Variants in MCTP1 observed in about 807,000 individuals in gnomAD.
The protein encoded by MCTP1 is multiple C2 and transmembrane domain-containing protein 1.
A neutral mutation model predicts 120.6 loss-of-function variants in MCTP1; 69 were observed. The observed-to-expected ratio is 0.57, with a 90% CI of 0.47 to 0.70. MCTP1 has a LOEUF of 0.70. Among genes scored for constraint, MCTP1 ranks in the 30% least tolerant of loss-of-function variants. The pLI is 0.00. For synonymous variants in MCTP1, 529 were observed against 493.1 expected (o/e 1.07, Z -0.96); for missense variants, 1,203 against 1,248.8 (o/e 0.96, Z 0.55).
At chr5:94,790,112 G>A (rs796977022) in intron 18 of MCTP1, among the ~76,000 whole-genome samples, 4 of 152,260 alleles carry the variant, frequency 2.6e-5, no homozygotes, top group African/African-American at 4.8e-5. Context: ...TAATTTGGTC[G>A]TGAGGTCTGT....
chr5:94,865,813 G>A (rs1382596534), intron 17 of MCTP1, among the ~76,000 whole-genome samples: 3 of 151,830 alleles, frequency 2.0e-5, no homozygotes, highest in Admixed American at 2.0e-4. Flanking sequence ...TAACCTTTCT[G>A]TGCCTCAGTT....
chr5:94,939,148 G>A (rs2153499971), intron 5 of MCTP1, among the ~76,000 whole-genome samples: 1 of 152,112 alleles, frequency 6.6e-6, no homozygotes, highest in Admixed American at 6.6e-5. Context: ...ATTTTTCAAT[G>A]AGTTTAAAGT....
chr5:95,049,949 C>A (rs144823459), intron 1 of MCTP1, among the ~76,000 whole-genome samples: 191 of 152,188 alleles, frequency 1.3e-3, no homozygotes, highest in African/African-American at 4.5e-3. Context: ...TAACATTTGA[C>A]TAACACCTTC....
chr5:94,749,138 T>C (rs908111888), intron 19 of MCTP1, among the ~76,000 whole-genome samples: 14 of 152,176 alleles, frequency 9.2e-5, no homozygotes, highest in African/African-American at 3.4e-4. Flanking sequence ...CCTTGAAAGT[T>C]CAGAATCCTC....
intron 1 of MCTP1, among the ~76,000 whole-genome samples, chr5:95,246,889 G>C (rs1756852047): frequency 6.6e-6 from 1 of 152,122 alleles, no homozygotes; most frequent in Admixed American, 6.5e-5. Flanking sequence ...TTGGTATCAG[G>C]GTGATGACAG....
At chr5:95,177,051 C>T (rs1290216067) in intron 1 of MCTP1, among the ~76,000 whole-genome samples, 1 of 151,000 alleles carries the variant, frequency 6.6e-6, no homozygotes, top group Admixed American at 6.6e-5. Flanking sequence ...GAGAGAGAGA[C>T]ATGAAATACA....
intron 17 of MCTP1, among the ~76,000 whole-genome samples, chr5:94,817,269 G>T (rs755176520): frequency 2.0e-5 from 3 of 152,136 alleles, no homozygotes; most frequent in Non-Finnish European, 4.4e-5. Context: ...TGGGTGTGGT[G>T]GCATGCCGCA....
intron 1 of MCTP1, among the ~76,000 whole-genome samples, chr5:95,064,436 T>C (rs1313930479): frequency 6.6e-6 from 1 of 152,214 alleles, no homozygotes; most frequent in Admixed American, 6.5e-5. Flanking sequence ...TCTGGTGACA[T>C]GGTAACTTTA....
Position 95,164,300 on chromosome 5 carries a change from C to CAA in MCTP1, c.720+119554_720+119555dup, listed in dbSNP as rs35180901. Among the ~76,000 whole-genome samples, 133 of 150,630 alleles carry CAA rather than the reference C, an allele frequency of 8.8e-4. No individual in the cohort carries two copies. The East Asian group carries it at 9.3e-3, about 11-fold the overall frequency. On this transcript the variant is annotated intron_variant, in intron 1 of 22. Transcript: ENST00000515393. ...AATCACTTTCCTTTCTTATTCACAT[C>CAA]AAAAAAAAAGGTTTACAAGCAGCTC... is the stretch of plus-strand genomic sequence containing the variant.
intron 2 of MCTP1, among the ~76,000 whole-genome samples, chr5:94,966,015 A>G (rs1317518026): frequency 3.9e-5 from 6 of 152,182 alleles, no homozygotes; most frequent in Non-Finnish European, 7.3e-5. Flanking sequence ...GTATTTATAG[A>G]TTACTCAGTC....
Position 95,284,256 on chromosome 5 carries a change from A to T in MCTP1, c.320T>A (p.Leu107Gln). ...GGCTCTGCCGGCGCCGCCGGGCTCC[A>T]GGGGCTCCGGCGACGAGCAGCACAG... ...PNLCCSSPEPLEPGGAGRAEQ... is the reference protein window; with the variant it reads ...PNLCCSSPEPQEPGGAGRAEQ... The change falls in exon 1 of 23, where the codon CTG (leucine) becomes CAG (glutamine). Residue 107 changes from leucine (L) to glutamine (Q), a missense_variant. By Grantham distance (113) the Leu-to-Gln change is moderately radical. Transcript: ENST00000515393. The surrounding 1 kb of genome is among the most constrained non-coding windows in gnomAD (Gnocchi z 5.2). 1 of 1,590,022 alleles carries T rather than the reference A, an allele frequency of 6.3e-7. No homozygotes were observed.
intron 18 of MCTP1, among the ~76,000 whole-genome samples, chr5:94,786,204 G>A (rs925839890): frequency 6.6e-6 from 1 of 152,106 alleles, no homozygotes; most frequent in African/African-American, 2.4e-5. Flanking sequence ...AAGAGGGTGA[G>A]TGGAACGGGT....
intron 17 of MCTP1, among the ~76,000 whole-genome samples, chr5:94,845,744 G>A (rs1319060535): frequency 2.0e-5 from 3 of 152,014 alleles, no homozygotes; most frequent in Admixed American, 1.3e-4. Context: ...TAGAGACAGG[G>A]TTTTGCTATG....
intron 17 of MCTP1, among the ~76,000 whole-genome samples, chr5:94,848,519 G>A (rs1243331531): frequency 2.0e-5 from 3 of 152,040 alleles, no homozygotes; most frequent in Non-Finnish European, 4.4e-5. Flanking sequence ...CAAACAATAA[G>A]CTCTTCTTGT....
intron 1 of MCTP1, among the ~76,000 whole-genome samples, chr5:95,099,823 C>T (rs1184566442): frequency 0.012 from 1,820 of 148,744 alleles, 14 homozygotes; most frequent in Middle Eastern, 0.021. Context: ...CACATGCACA[C>T]GTATGTTTAT....
chr5:94,839,542 G>A lies in MCTP1; in HGVS notation c.2436+28791C>T, dbSNP rs145278468. Among the ~76,000 whole-genome samples the A allele has an allele frequency of 4.0e-3, 602 of 151,762 alleles. 3 individuals are homozygous for A. The highest frequency in any genetic ancestry group is 6.0e-3 in the Non-Finnish European group (406 of 67,846). On this transcript the variant is annotated intron_variant, in intron 17 of 22. Transcript: ENST00000515393. Reference sequence around the variant, plus strand: ...AAAGATATAAAATAAACATGAAAATGGCTCAGAATAGAATGTCTAAGTCAC... The same window carrying A: ...AAAGATATAAAATAAACATGAAAATAGCTCAGAATAGAATGTCTAAGTCAC...
chr5:95,070,153 C>T (rs1751772214), intron 1 of MCTP1, among the ~76,000 whole-genome samples: 1 of 152,232 alleles, frequency 6.6e-6, no homozygotes, highest in Non-Finnish European at 1.5e-5. Context: ...TCTAGGTTCT[C>T]TCCTTACCCA....
rs1760537313 is a variant in MCTP1, at chr5:95,283,931, A to G, written c.645T>C (p.Pro215=). ...GACTCCGCGCCGGCTCTGCGGGAGGAGGCGGCGGCTCCAGCAGCTGCTCCA... is the reference window on the plus strand; with the variant it reads ...GACTCCGCGCCGGCTCTGCGGGAGGGGGCGGCGGCTCCAGCAGCTGCTCCA... ...ACLEQLLEPP[P]PPAEPARSPA... The change falls in exon 1 of 23, where the codon CCT becomes CCC. Residue 215 remains proline, a synonymous_variant. Coordinates refer to ENST00000515393, the MANE Select transcript of MCTP1 (RefSeq NM_024717.7). The G allele has an allele frequency of 1.4e-6, 2 of 1,397,384 alleles. No individual in the cohort carries two copies. Among genetic ancestry groups the G allele is most frequent in the East Asian group, 2.9e-5 (1 of 34,110 alleles). 86.6% of individuals were successfully genotyped at this position (1,397,384 alleles called of 1,614,324 possible).
intron 1 of MCTP1, among the ~76,000 whole-genome samples, chr5:95,107,586 A>C (rs898932299): frequency 2.6e-5 from 4 of 152,256 alleles, no homozygotes; most frequent in South Asian, 2.1e-4. Context: ...AAAGCTAAAA[A>C]GTAAATAAAG....
Sources: gnomAD v4.1 joint callset for allele counts (sites outside exome capture counted in the v4.1 genomes callset) on GRCh38, gnomAD v4.1.1 for gene constraint, Gnocchi (gnomAD v3.1) non-coding constraint, MANE v1.5 for transcripts, NCBI Gene and HGNC (gene_info 2026-07-23, HGNC 2026-07-21) for gene names.